Variants in POLQ observed in about 807,000 individuals in gnomAD.
POLQ encodes the protein DNA polymerase theta.
A neutral mutation model predicts 259.2 loss-of-function variants in POLQ; 233 were observed. That is an observed-to-expected ratio of 0.90 (90% CI 0.81 to 1.00). The LOEUF is 1.00. POLQ is among the 50% of genes least tolerant of loss of function. The pLI is 0.00. For synonymous variants in POLQ, 1,025 were observed against 1,048.8 expected, an observed-to-expected ratio of 0.98 and a Z score of 0.44; for missense variants, 2,871 against 3,051.6, an observed-to-expected ratio of 0.94 and a Z score of 1.39.
chr3:121,485,118 A>C lies in POLQ; in HGVS notation c.5696T>G (p.Leu1899Trp). ...CCAGCATACTGCCAGTCCAACCACC[A>C]AGGTGTCATCACAACCTTTAATGGG... ...GFPIKGCDDT[L>W]VVGLAVCWGG... The change falls in exon 17 of 30, where the codon TTG becomes TGG. Residue 1899 changes from leucine (L) to tryptophan (W), a missense_variant. By Grantham distance (61) the Leu-to-Trp change is moderately conservative (BLOSUM62 -2). Coordinates refer to ENST00000264233, the MANE Select transcript of POLQ (RefSeq NM_199420.4). 6.2e-7 allele frequency: 1 copy of C among 1,611,570 alleles called. No homozygotes were observed. Among genetic ancestry groups the C allele is most frequent in the Non-Finnish European group, 8.5e-7 (1 of 1,177,936 alleles).
chr3:121,506,643 G>C (rs2048211049), intron 12 of POLQ, among the ~76,000 whole-genome samples: 1 of 152,214 alleles, frequency 6.6e-6, no homozygotes, highest in Non-Finnish European at 1.5e-5. Context: ...AAACAGGAAA[G>C]TGATACAAAC....
intron 27 of POLQ, among the ~76,000 whole-genome samples, chr3:121,436,798 T>C (rs1576396282): frequency 6.6e-6 from 1 of 151,478 alleles, no homozygotes; most frequent in Non-Finnish European, 1.5e-5. Flanking sequence ...CTGAGGCAAA[T>C]CCTTAGCCGC....
chr3:121,485,014 T>A, intron 17 of POLQ, 27 bp downstream of exon 17: 1 of 1,556,962 alleles, frequency 6.4e-7, no homozygotes, highest in Non-Finnish European at 8.7e-7. Context: ...AATTACATAG[T>A]GACTTAGCCA....
rs1421542703 is a variant in POLQ, at chr3:121,510,219, T to C, written c.1636A>G (p.Thr546Ala). The C allele has an allele frequency of 3.1e-6, 5 of 1,612,600 alleles. No individual in the cohort carries two copies. The highest frequency in any genetic ancestry group is 3.4e-6 in the Non-Finnish European group (4 of 1,178,602). ...GCATAAGTATGCATATCTTGTGATG[T>C]ACTTGCCACTCCACCAACTATTATC... ...LEIIVGGVAS[T>A]SQDMHTYAAC... Residue 546 changes from threonine to alanine, a missense_variant, in exon 11 of 30, where the codon ACA (threonine) becomes GCA (alanine). Physicochemically the swap from Thr to Ala is moderately conservative, Grantham distance 58. This residue lies in a region of POLQ where 783 missense variants were observed against 906.2 expected (regional missense o/e 0.86). Transcript: ENST00000264233.
rs763051310 is a variant in POLQ, at chr3:121,488,324, G to T, written c.4607C>A (p.Ser1536Ter). Residue 1536 changes from serine (S) to a stop codon, truncating the protein, a stop_gained, in exon 16 of 30, where the codon TCA becomes TAA. Coordinates refer to ENST00000264233, the MANE Select transcript of POLQ (RefSeq NM_199420.4). LOFTEE classifies it high-confidence loss of function. ...GGTATCTTGATTCTCATTTACATTT[G>T]ATTTTTTAATTAGGTCTTCTTGTAG... Reference protein sequence around the residue: ...LCLQEDLIKKSNVNENQDTHQ... With the variant: ...LCLQEDLIKK 9.3e-6 allele frequency: 15 copies of T among 1,612,492 alleles called. No individual in the cohort carries two copies. Among genetic ancestry groups the T allele is most frequent in the East Asian group, 8.9e-5 (4 of 44,856 alleles).
intron 19 of POLQ, 79 bp downstream of exon 19, chr3:121,481,493 T>G: frequency 8.0e-7 from 1 of 1,248,976 alleles, no homozygotes; most frequent in African/African-American, 1.5e-5. Context: ...AAATGTGTAA[T>G]TTACCCATTT....
intron 12 of POLQ, among the ~76,000 whole-genome samples, chr3:121,504,983 C>A (rs2048198071): frequency 6.6e-6 from 1 of 151,976 alleles, no homozygotes; most frequent in Admixed American, 6.5e-5. Flanking sequence ...TGTGTCCCCA[C>A]CGAATTTCAT....
At chr3:121,471,080 T>A (rs1381973296) in intron 22 of POLQ, among the ~76,000 whole-genome samples, 1 of 152,228 alleles carries the variant, frequency 6.6e-6, no homozygotes, top group Admixed American at 6.5e-5. Flanking sequence ...GCCTGCCTCC[T>A]CTATGAATGA....
intron 2 of POLQ, among the ~76,000 whole-genome samples, chr3:121,542,628 G>C (rs1203616649): frequency 6.6e-6 from 1 of 152,124 alleles, no homozygotes; most frequent in Non-Finnish European, 1.5e-5. Context: ...CAGTGTGACT[G>C]ATGAGTTTTA....
At chr3:121,449,032 A>C (rs2047652335) in intron 26 of POLQ, among the ~76,000 whole-genome samples, 1 of 152,162 alleles carries the variant, frequency 6.6e-6, no homozygotes, top group African/African-American at 2.4e-5. Flanking sequence ...AGCTATCTAA[A>C]CCAAAGCACA....
Position 121,544,748 on chromosome 3 carries a change from C to T in POLQ, c.322G>A (p.Gly108Arg), listed in dbSNP as rs748936586. 6.2e-7 allele frequency: 1 copy of T among 1,610,106 alleles called. No individual in the cohort carries two copies. The highest frequency in any genetic ancestry group is 2.2e-5 in the East Asian group (1 of 44,846). Residue 108 changes from glycine to arginine, a missense_variant, in exon 2 of 30, where the codon GGA becomes AGA. This residue lies in a region of POLQ where 783 missense variants were observed against 906.2 expected (regional missense o/e 0.86). Transcript: ENST00000264233. ...ATACCTGAATAAACTAAATTCTTTCCTTCCAGGACTTGTCCAAGCAAAAGG... is the reference window on the plus strand; with the variant it reads ...ATACCTGAATAAACTAAATTCTTTCTTTCCAGGACTTGTCCAAGCAAAAGG... Reference protein sequence around the residue: ...ECLLLGQVLEGKNLVYSAPTS... With the variant: ...ECLLLGQVLERKNLVYSAPTS...
At chr3:121,484,526 G>A (rs2047994920) in intron 17 of POLQ, among the ~76,000 whole-genome samples, 1 of 152,184 alleles carries the variant, frequency 6.6e-6, no homozygotes, top group Non-Finnish European at 1.5e-5. Context: ...GTGACAGGCA[G>A]GGAGAAGTAA....
At chr3:121,437,017 T>G (rs1387338713) in intron 27 of POLQ, among the ~76,000 whole-genome samples, 1 of 151,994 alleles carries the variant, frequency 6.6e-6, no homozygotes, top group African/African-American at 2.4e-5. Context: ...ATGAAAAAGG[T>G]CTACTCCAGG....
intron 26 of POLQ, among the ~76,000 whole-genome samples, chr3:121,447,867 T>C (rs182043796): frequency 6.6e-6 from 1 of 152,096 alleles, no homozygotes; most frequent in East Asian, 1.9e-4. Context: ...TGACACTTCA[T>C]GCCACTAAAA....
chr3:121,437,679 T>A (rs1231326773), intron 27 of POLQ, among the ~76,000 whole-genome samples: 1 of 152,236 alleles, frequency 6.6e-6, no homozygotes, highest in Non-Finnish European at 1.5e-5. Flanking sequence ...CCCACCACTG[T>A]GTCTTTACCA....
chr3:121,476,501 A>T, intron 20 of POLQ, 39 bp downstream of exon 20: 1 of 1,450,394 alleles, frequency 6.9e-7, no homozygotes, highest in Non-Finnish European at 9.5e-7. Context: ...TTTTAACTCT[A>T]AAAATTATGT....
chr3:121,529,159 G>GA lies in POLQ; in HGVS notation c.1108+485dup, dbSNP rs914976506. ...AACATTTTCTAATATATTATGTATT[G>GA]AAAAAAAATCCACATATAAATGAAC... On this transcript the variant is annotated intron_variant, in intron 7 of 29. Coordinates refer to ENST00000264233, the MANE Select transcript of POLQ (RefSeq NM_199420.4). Among the ~76,000 whole-genome samples, 11 of 150,510 alleles carry GA rather than the reference G, an allele frequency of 7.3e-5. No homozygotes were observed. The East Asian group carries it at 9.8e-4, about 13-fold the overall frequency.
chr3:121,484,823 C>G (rs1026271629), intron 17 of POLQ, among the ~76,000 whole-genome samples: 8 of 152,100 alleles, frequency 5.3e-5, no homozygotes, highest in African/African-American at 1.9e-4. Context: ...ATCGCTTGAA[C>G]CCAGGAGGTG....
chr3:121,538,910 T>G (rs1576430253), intron 4 of POLQ, among the ~76,000 whole-genome samples: 2 of 152,166 alleles, frequency 1.3e-5, no homozygotes, highest in Non-Finnish European at 2.9e-5. Context: ...TGTTGCTACC[T>G]CTACATAATG....
Sources: gnomAD v4.1 joint callset for allele counts (sites outside exome capture counted in the v4.1 genomes callset) on GRCh38, gnomAD v4.1.1 for gene constraint, gnomAD v4.1.1 regional missense constraint, MANE v1.5 for transcripts, NCBI Gene and HGNC (gene_info 2026-07-23, HGNC 2026-07-21) for gene names.